BCKDK: variants seen among roughly 807,000 people sequenced by gnomAD.
The protein encoded by BCKDK is branched chain keto acid dehydrogenase kinase.
Under a neutral mutation model 43.9 loss-of-function variants are expected in BCKDK, and 28 were observed. The observed-to-expected ratio is 0.64, with a 90% CI of 0.47 to 0.87. The LOEUF (loss-of-function observed/expected upper bound fraction) is 0.87. BCKDK is among the 40% of genes least tolerant of loss of function. The pLI, the probability that BCKDK is intolerant of heterozygous loss-of-function variation, is 0.00. For synonymous variants in BCKDK, 257 were observed against 234.3 expected (o/e 1.10, Z -0.88); for missense variants, 483 against 581.4 (o/e 0.83, Z 1.74).
rs1009283606 is a variant in BCKDK at position 31,110,744 on chromosome 16, G to C, written c.699G>C (p.Lys233Asn). ...TCTCACCAAAGAAGATTATTGAGAA[G>C]TGGGTGGACTTTGCCAGGTGAGGCA... Reference protein sequence around the residue: ...TRLSPKKIIEKWVDFARRLCE... With the variant: ...TRLSPKKIIENWVDFARRLCE... Residue 233 changes from lysine to asparagine, a missense_variant, in exon 8 of 12, where the codon AAG (lysine) becomes AAC (asparagine). Lys to Asn is a moderately conservative substitution (Grantham distance 94, BLOSUM62 0). Coordinates refer to ENST00000219794, the MANE Select transcript of BCKDK (RefSeq NM_005881.4). This position sits in a 1 kb window ranked among gnomAD's most constrained non-coding sequence, Gnocchi z 5.4. 6.2e-7 allele frequency: 1 copy of C among 1,614,174 alleles called. No individual in the cohort carries two copies. The highest frequency in any genetic ancestry group is 1.3e-5 in the African/African-American group (1 of 75,032).
downstream of BCKDK, among the ~76,000 whole-genome samples, chr16:31,115,424 T>C (rs1467551652): frequency 1.3e-5 from 2 of 151,818 alleles, no homozygotes; most frequent in Admixed American, 6.6e-5. Flanking sequence ...GGTTTCTCCA[T>C]GTTGGTCAGG....
Position 31,109,911 on chromosome 16 carries a change from C to A in BCKDK, c.375+128C>A. On this transcript the variant is annotated intron_variant, in intron 4 of 11. Coordinates refer to ENST00000219794, the MANE Select transcript of BCKDK (RefSeq NM_005881.4). This position sits in a 1 kb window ranked among gnomAD's most constrained non-coding sequence, Gnocchi z 5.3. ...GGGCCACACAGGATTCAACCCCAGG[C>A]CTTCAGAAGCCAAAGGTGTGTATTC... 2 of 1,351,158 alleles carry A rather than the reference C, an allele frequency of 1.5e-6. No individual in the cohort carries two copies. The highest frequency in any genetic ancestry group is 2.1e-6 in the Non-Finnish European group (2 of 953,884). 83.7% of individuals were successfully genotyped at this position (1,351,158 alleles called of 1,614,324 possible).
At chr16:31,115,015 C>A (rs1337137506), downstream of BCKDK, among the ~76,000 whole-genome samples, 2 of 152,090 alleles carry the variant, frequency 1.3e-5, no homozygotes, top group Non-Finnish European at 2.9e-5. Context: ...ACCTCCACCT[C>A]CTGGGTTCAA....
At chr16:31,114,294 C>CG (rs568763574), downstream of BCKDK, among the ~76,000 whole-genome samples, 22 of 144,748 alleles carry the variant, frequency 1.5e-4, 1 homozygote, top group African/African-American at 3.1e-4. Context: ...CGCCCCACCC[C>CG]CCCCCAACCC....
At chr16:31,111,428 T>C in intron 10 of BCKDK, 39 bp downstream of exon 10, 1 of 1,596,572 alleles carries the variant, frequency 6.3e-7, no homozygotes, top group South Asian at 1.1e-5. Flanking sequence ...GTGGATGGGA[T>C]GGGGGTCTAG....
Position 31,110,764 on chromosome 16 carries a change from G to A in BCKDK, c.716+3G>A. On this transcript the variant is annotated splice_donor_region_variant and intron_variant, in intron 8 of 11. Transcript: ENST00000219794. This position sits in a 1 kb window ranked among gnomAD's most constrained non-coding sequence, Gnocchi z 5.4. The stretch of plus-strand genomic sequence containing the variant: ...GAGAAGTGGGTGGACTTTGCCAGGT[G>A]AGGCAAGAATGGCTCAGGGGGTGGG... 3 of 1,613,908 alleles carry A rather than the reference G, an allele frequency of 1.9e-6. No individual in the cohort carries two copies. Among genetic ancestry groups the A allele is most frequent in the South Asian group, 2.2e-5 (2 of 91,078 alleles).
At position 31,110,587 on chromosome 16, in the gene BCKDK, C is replaced by T. The variant is rs1172302956; in HGVS notation, c.642+88C>T. On this transcript the variant is annotated intron_variant, in intron 7 of 11. Coordinates refer to ENST00000219794, the MANE Select transcript of BCKDK (RefSeq NM_005881.4). This position sits in a 1 kb window ranked among gnomAD's most constrained non-coding sequence, Gnocchi z 5.4. ...GGGATCCGGGTCAAGGGCCTGGGGG[C>T]TGAGGCTGTGGGGCTGGTGCTTTGG... The T allele has an allele frequency of 2.3e-5, 37 of 1,589,692 alleles. No homozygotes were observed. In the Middle Eastern group the frequency reaches 5.1e-4, roughly 22 times the overall value.
At chr16:31,115,201 G>C (rs1356020372), downstream of BCKDK, among the ~76,000 whole-genome samples, 2 of 150,770 alleles carry the variant, frequency 1.3e-5, no homozygotes, top group Non-Finnish European at 2.9e-5. Context: ...GGGATTACAG[G>C]TGTGAGCCAC....
downstream of BCKDK, among the ~76,000 whole-genome samples, chr16:31,114,870 G>A (rs2057437666): frequency 6.6e-6 from 1 of 152,156 alleles, no homozygotes; most frequent in African/African-American, 2.4e-5. Context: ...TGTGGGTTCT[G>A]CATCCTTACA....
In BCKDK at chr16:31,109,771, C is replaced by T; in HGVS notation, c.363C>T (p.Thr121=). The change falls in exon 4 of 12, where the codon ACC becomes ACT. Residue 121 remains threonine (T), a synonymous_variant. Transcript: ENST00000219794. The surrounding 1 kb of genome is among the most constrained non-coding windows in gnomAD (Gnocchi z 5.3). ...CTTTCATCATTGGCTGCAACCCCAC[C>T]ATACTGCACGTGGTAAGGTAGAGAG... ...CLPFIIGCNP[T]ILHVHELYIR... 1 of 1,613,754 alleles carries T rather than the reference C, an allele frequency of 6.2e-7. No individual in the cohort carries two copies. The highest frequency in any genetic ancestry group is 8.5e-7 in the Non-Finnish European group (1 of 1,179,976).
downstream of BCKDK, among the ~76,000 whole-genome samples, chr16:31,114,014 A>G (rs2057432139): frequency 6.6e-6 from 1 of 152,198 alleles, no homozygotes; most frequent in Admixed American, 6.5e-5. Flanking sequence ...TCCACTTGGC[A>G]GTCACTGGTT....
rs558120140 is a variant in BCKDK, at chr16:31,110,484, G to A, written c.627G>A (p.Ala209=). Reference sequence around the variant, plus strand: ...GCATGTTGGCCACGCATCACCTGGCGCTGCATGAGGACAAGGTGGGGCTCT... The same window carrying A: ...GCATGTTGGCCACGCATCACCTGGCACTGCATGAGGACAAGGTGGGGCTCT... ...GIRMLATHHL[A]LHEDKPDFVG... The change falls in exon 7 of 12, where the codon GCG becomes GCA. Residue 209 remains alanine, a synonymous_variant. Coordinates refer to ENST00000219794, the MANE Select transcript of BCKDK (RefSeq NM_005881.4). The surrounding 1 kb of genome is among the most constrained non-coding windows in gnomAD (Gnocchi z 5.4). 4.3e-6 allele frequency: 7 copies of A among 1,613,806 alleles called. No individual in the cohort carries two copies. The highest frequency in any genetic ancestry group is 4.0e-5 in the African/African-American group (3 of 75,020).
rs1409605718 is a variant in BCKDK, at chr16:31,112,540, GTTA to G, written c.*279_*281del. 1.8e-6 allele frequency: 1 copy of G among 568,362 alleles called. No homozygotes were observed. The highest frequency in any genetic ancestry group is 3.0e-5 in the Admixed American group (1 of 32,980). The allele number at this position is 568,362 out of a possible 1,614,324, so 35.2% of individuals were successfully genotyped here. On this transcript the variant is annotated 3_prime_UTR_variant, in exon 12 of 12. Transcript: ENST00000219794. The surrounding 1 kb of genome is among the most constrained non-coding windows in gnomAD (Gnocchi z 5.0). The stretch of plus-strand genomic sequence containing the variant: ...TCCTGGGGAACCCCCACTCTGACCT[GTTA>G]TTAAAGTTCACATTTTGAATGCCCT...
At position 31,108,674 on chromosome 16, in the gene BCKDK, C is replaced by G. The variant is rs1299721330; in HGVS notation, c.-178+195C>G. 6.6e-6 allele frequency: 1 copy of G among 152,374 alleles called. No homozygotes were observed. The highest frequency in any genetic ancestry group is 2.4e-5 in the African/African-American group (1 of 41,452). The allele number at this position is 152,374 out of a possible 1,614,324, so 9.4% of individuals were successfully genotyped here. On this transcript the variant is annotated intron_variant, in intron 1 of 11. Transcript: ENST00000219794. The surrounding 1 kb of genome is among the most constrained non-coding windows in gnomAD (Gnocchi z 6.2). ...ACCCTCCCAAGCCGGCCCCAGGGGC[C>G]CAGGGCTGGTGTCGCACGTTCGCTG... is the stretch of plus-strand genomic sequence containing the variant.
Position 31,109,863 on chromosome 16 carries a change from C to T in BCKDK, c.375+80C>T, listed in dbSNP as rs1002056919. The T allele has an allele frequency of 1.2e-5, 18 of 1,485,654 alleles. No individual in the cohort carries two copies. The highest frequency in any genetic ancestry group is 2.3e-5 in the South Asian group (2 of 87,548). The allele number at this position is 1,485,654 out of a possible 1,614,324, so 92.0% of individuals were successfully genotyped here. On this transcript the variant is annotated intron_variant, in intron 4 of 11. Coordinates refer to ENST00000219794, the MANE Select transcript of BCKDK (RefSeq NM_005881.4). This position sits in a 1 kb window ranked among gnomAD's most constrained non-coding sequence, Gnocchi z 5.3. ...GGAGTCTGGGGCCCAGAGTGGCAGA[C>T]GATTGCTTGCCTAAAGGTGTCAGGG...
chr16:31,110,161 G>T lies in BCKDK; in HGVS notation c.423+37G>T. ...GCCAGAGCAGGGTGAGGGGCTGAGA[G>T]GTTGGGCTTGGACCACCCTTCCTCA... On this transcript the variant is annotated intron_variant, in intron 5 of 11. Transcript: ENST00000219794. The surrounding 1 kb of genome is among the most constrained non-coding windows in gnomAD (Gnocchi z 5.4). 1 of 1,614,188 alleles carries T rather than the reference G, an allele frequency of 6.2e-7. No homozygotes were observed. Among genetic ancestry groups the T allele is most frequent in the Non-Finnish European group, 8.5e-7 (1 of 1,180,030 alleles).
chr16:31,112,077 C>T lies in BCKDK; in HGVS notation c.1095-44C>T. 1 of 1,610,524 alleles carries T rather than the reference C, an allele frequency of 6.2e-7. No homozygotes were observed. The highest frequency in any genetic ancestry group is 8.5e-7 in the Non-Finnish European group (1 of 1,178,146). ...GAGGGGTGGGGGACCCCAGGAGACT[C>T]AAGCCTCTGAAGCCTCCTGTCCTGT... On this transcript the variant is annotated intron_variant, in intron 11 of 11. Coordinates refer to ENST00000219794, the MANE Select transcript of BCKDK (RefSeq NM_005881.4). This position sits in a 1 kb window ranked among gnomAD's most constrained non-coding sequence, Gnocchi z 5.0.
downstream of BCKDK, among the ~76,000 whole-genome samples, chr16:31,114,314 GC>G (rs2057434755): frequency 1.2e-5 from 1 of 82,882 alleles, no homozygotes; most frequent in Non-Finnish European, 2.3e-5. Context: ...CCAGGTTCAA[GC>G]GATTCTCCTG....
downstream of BCKDK, among the ~76,000 whole-genome samples, chr16:31,116,786 G>C (rs145568263): frequency 6.6e-6 from 1 of 151,514 alleles, no homozygotes; most frequent in African/African-American, 2.4e-5. Context: ...GCGTGGTGGC[G>C]CGCGATTGTA....
Sources: allele counts gnomAD v4.1 joint callset (sites outside exome capture counted in the v4.1 genomes callset), GRCh38; gene constraint gnomAD v4.1.1; non-coding constraint Gnocchi (gnomAD v3.1); transcripts MANE v1.5; gene names NCBI Gene and HGNC (gene_info 2026-07-23, HGNC 2026-07-21).